Variants in UGT2B11 observed in about 807,000 individuals in gnomAD.
UGT2B11 encodes the protein UDP glucuronosyltransferase family 2 member B11.
Under a neutral mutation model 51.7 loss-of-function variants are expected in UGT2B11, and 49 were observed. The observed-to-expected ratio is 0.95, with a 90% CI of 0.75 to 1.20. UGT2B11 has a LOEUF of 1.20. Ranked by LOEUF, UGT2B11 falls within the 50% of genes most tolerant of loss-of-function variation. The pLI is 0.00. For synonymous variants in UGT2B11, 273 were observed against 209.0 expected (o/e 1.31, Z -2.64); for missense variants, 810 against 622.1 (o/e 1.30, Z -3.21).
In UGT2B11 at chr4:69,204,458, C is replaced by A. The variant is rs147440057; in HGVS notation, c.1282G>T (p.Ala428Ser). 6.2e-7 allele frequency: 1 copy of A among 1,611,834 alleles called. No individual in the cohort carries two copies. Among genetic ancestry groups the A allele is most frequent in the Non-Finnish European group, 8.5e-7 (1 of 1,178,624 alleles). The change falls in exon 5 of 6, where the codon GCA becomes TCA. Residue 428 changes from alanine (A) to serine (S), a missense_variant. Transcript: ENST00000446444. ...NTMSSTDLLN[A>S]LKTVINDPLY... ...GGATCATTAATTACTGTCTTCAGTG[C>A]ATTCAGCAGGTCTGTACTCGACATT... is the stretch of plus-strand genomic sequence containing the variant.
At chr4:69,223,080 A>G in the UGT2B11 span, among the ~76,000 whole-genome samples, 1 of 152,310 alleles carries the variant, frequency 6.6e-6, no homozygotes, top group African/African-American at 2.4e-5. Context: ...CACTCCATTT[A>G]TCTTCCTGTT....
chr4:69,204,609 G>T lies in UGT2B11; in HGVS notation c.1131C>A (p.Ala377=), dbSNP rs775603951. 3.2e-5 allele frequency: 51 copies of T among 1,611,754 alleles called. No homozygotes were observed. The East Asian group carries it at 3.8e-4, about 12-fold the overall frequency. The change falls in exon 5 of 6, where the codon GCC becomes GCA. Residue 377 remains alanine (A), a synonymous_variant. Coordinates refer to ENST00000446444, the MANE Select transcript of UGT2B11 (RefSeq NM_001073.3). ...GGTAGATTGCCTCATAGATGCCATT[G>T]GCTCCACCATGAGTTATAAAAGCTC... is the stretch of plus-strand genomic sequence containing the variant. ...KTRAFITHGG[A]NGIYEAIYHG... is the part of the protein sequence containing the mutation.
At chr4:69,224,752 GAAA>G in the UGT2B11 span, among the ~76,000 whole-genome samples, 5 of 145,076 alleles carry the variant, frequency 3.4e-5, no homozygotes, top group Admixed American at 6.8e-5. Flanking sequence ...TCAACCGAGA[GAAA>G]AAAAAAAAAA....
At chr4:69,210,301 AT>A (rs1722013866) in intron 2 of UGT2B11, among the ~76,000 whole-genome samples, 1 of 151,596 alleles carries the variant, frequency 6.6e-6, no homozygotes, top group African/African-American at 2.4e-5. Flanking sequence ...GTGCACCTTG[AT>A]TTTTTTATGA....
At chr4:69,204,174 T>G (rs1445917826) in intron 5 of UGT2B11, 1 of 288,874 alleles carries the variant, frequency 3.5e-6, no homozygotes. Flanking sequence ...GAAATGTATT[T>G]TTTATATTAT....
chr4:69,221,151 G>A, the UGT2B11 span, among the ~76,000 whole-genome samples: 20 of 152,216 alleles, frequency 1.3e-4, no homozygotes, highest in South Asian at 2.1e-4. Context: ...CAGTTCTTTC[G>A]GAGTGCCATT....
upstream of UGT2B11, among the ~76,000 whole-genome samples, chr4:69,218,023 A>C (rs1024482177): frequency 6.6e-6 from 1 of 152,134 alleles, no homozygotes; most frequent in Non-Finnish European, 1.5e-5. Flanking sequence ...CTGCTAATAC[A>C]GTCATTTTGG....
chr4:69,202,643 TG>T (rs1721703556), intron 5 of UGT2B11, among the ~76,000 whole-genome samples: 1 of 151,750 alleles, frequency 6.6e-6, no homozygotes, highest in South Asian at 2.1e-4. Flanking sequence ...AGACTCCATT[TG>T]TTAATTGTGT....
chr4:69,213,068 T>C (rs1398916753), intron 1 of UGT2B11, among the ~76,000 whole-genome samples: 2 of 151,518 alleles, frequency 1.3e-5, no homozygotes, highest in African/African-American at 2.4e-5. Flanking sequence ...CTCTTTGAGC[T>C]CCATAATCAA....
At chr4:69,205,633 G>A (rs1226347549) in intron 3 of UGT2B11, 66 bp from the exon 4 acceptor site, 28 of 1,536,516 alleles carry the variant, frequency 1.8e-5, no homozygotes, top group Non-Finnish European at 2.4e-5. Context: ...TGTTAGAACT[G>A]TAGAAAGCAT....
chr4:69,214,216 C>T lies in UGT2B11; in HGVS notation c.507G>A (p.Val169=), dbSNP rs568294541. ...AGCCAGGAGTAAAGCGGAGACTGTA[C>T]ACAAACCGTATGTTAAGTAGCGCAG... ...LLAALLNIRF[V]YSLRFTPGYT... The change falls in exon 1 of 6, where the codon GTG becomes GTA. Residue 169 remains valine (V), a synonymous_variant. Transcript: ENST00000446444. The T allele has an allele frequency of 2.5e-5, 40 of 1,613,096 alleles. No homozygotes were observed. The highest frequency in any genetic ancestry group is 3.3e-5 in the Non-Finnish European group (39 of 1,179,476).
upstream of UGT2B11, among the ~76,000 whole-genome samples, chr4:69,217,611 G>A (rs567119432): frequency 1.3e-4 from 20 of 152,042 alleles, no homozygotes; most frequent in South Asian, 4.2e-4. Flanking sequence ...TTCCAAGACA[G>A]CCCATATCCA....
At chr4:69,213,890 T>C (rs965568986) in intron 1 of UGT2B11, 112 bp downstream of exon 1, 2 of 1,384,182 alleles carry the variant, frequency 1.4e-6, no homozygotes, top group South Asian at 1.7e-5. Flanking sequence ...TTTCATTTCA[T>C]AAATTCACTT....
At chr4:69,215,915 T>C (rs915664127), upstream of UGT2B11, 5 of 152,044 alleles carry the variant, frequency 3.3e-5, no homozygotes, top group Non-Finnish European at 7.4e-5. Flanking sequence ...TACCTAATAC[T>C]TCACTGTAAA....
At chr4:69,224,113 G>C in the UGT2B11 span, among the ~76,000 whole-genome samples, 1 of 152,132 alleles carries the variant, frequency 6.6e-6, no homozygotes, top group Non-Finnish European at 1.5e-5. Context: ...CATGAACAGG[G>C]ATCTTCCGGG....
At chr4:69,214,940 C>T (rs1359644044), upstream of UGT2B11, 4 of 711,824 alleles carry the variant, frequency 5.6e-6, no homozygotes, top group South Asian at 9.1e-5. Context: ...TATTCACTGT[C>T]ATCCACCTAA....
chr4:69,203,077 AAGTT>A (rs893936961), intron 5 of UGT2B11, among the ~76,000 whole-genome samples: 8 of 151,764 alleles, frequency 5.3e-5, no homozygotes, highest in Non-Finnish European at 1.2e-4. Context: ...AAAAAGTAAA[AAGTT>A]AGTGCACCAA....
upstream of UGT2B11, among the ~76,000 whole-genome samples, chr4:69,217,921 A>C (rs549473988): frequency 1.6e-4 from 24 of 152,210 alleles, no homozygotes; most frequent in African/African-American, 5.1e-4. Flanking sequence ...AAAAGAGATG[A>C]ATGAGTTCTT....
chr4:69,216,554 C>G (rs1012180742), upstream of UGT2B11: 4 of 151,284 alleles, frequency 2.6e-5, no homozygotes, highest in African/African-American at 9.7e-5. Context: ...ATTTCATCGG[C>G]CACACCAGCA....
Sources: allele counts gnomAD v4.1 joint callset (sites outside exome capture counted in the v4.1 genomes callset), GRCh38; gene constraint gnomAD v4.1.1; transcripts MANE v1.5; gene names NCBI Gene and HGNC (gene_info 2026-07-23, HGNC 2026-07-21).